The following PCNA variants were observed in gnomAD, a reference collection of about 807,000 sequenced individuals.
PCNA encodes the protein proliferating cell nuclear antigen, also known as DNA sliding clamp PCNA.
In PCNA, 4 loss-of-function variants were observed where a neutral mutation model predicts 27.8. The ratio of observed to expected loss-of-function variants is 0.14; its 90% CI spans 0.07 to 0.33. The LOEUF is 0.33. Ranked by LOEUF, PCNA falls within the 10% of genes least tolerant of loss-of-function variation. The pLI is 1.00. For missense variants in PCNA, 165 were observed against 327.4 expected, an observed-to-expected ratio of 0.50 and a Z score of 3.83; for synonymous variants, 121 against 119.4, an observed-to-expected ratio of 1.01 and a Z score of -0.09.
Position 5,119,558 on chromosome 20 carries a change from C to G in PCNA, c.221+20G>C. On this transcript the variant is annotated intron_variant, in intron 1 of 5. Transcript: ENST00000379143. ...GGTGCAGGCGGGCCGGGGCCGGCTT[C>G]CCGGGGCCGCGAGGCTCACCTGGTG... The G allele has an allele frequency of 6.3e-7, 1 of 1,599,144 alleles. No homozygotes were observed. Among genetic ancestry groups the G allele is most frequent in the African/African-American group, 1.3e-5 (1 of 74,774 alleles).
At chr20:5,123,617 C>T (rs769922556), upstream of PCNA, among the ~76,000 whole-genome samples, 1 of 151,752 alleles carries the variant, frequency 6.6e-6, no homozygotes, top group Admixed American at 6.6e-5. Flanking sequence ...ATTGCTTGAA[C>T]CCGGGAGGCA....
chr20:5,122,682 T>C (rs192223895), upstream of PCNA, among the ~76,000 whole-genome samples: 276 of 152,354 alleles, frequency 1.8e-3, 3 homozygotes, highest in African/African-American at 6.4e-3. Context: ...CTTTGCAAAA[T>C]GTGGAATGTG....
At chr20:5,122,964 A>G (rs1338198951), upstream of PCNA, among the ~76,000 whole-genome samples, 3 of 152,238 alleles carry the variant, frequency 2.0e-5, no homozygotes, top group Non-Finnish European at 2.9e-5. Flanking sequence ...TTTATGTTAA[A>G]CTGAAATGAG....
chr20:5,120,601 T>A (rs2090512760), upstream of PCNA, among the ~76,000 whole-genome samples: 1 of 152,142 alleles, frequency 6.6e-6, no homozygotes, highest in Non-Finnish European at 1.5e-5. Context: ...AAGTACTTAA[T>A]AAAGTACATT....
At chr20:5,123,566 A>G (rs921803213), upstream of PCNA, among the ~76,000 whole-genome samples, 1 of 151,966 alleles carries the variant, frequency 6.6e-6, no homozygotes, top group Non-Finnish European at 1.5e-5. Context: ...GTGGTGGTGC[A>G]CACCTGTAAT....
chr20:5,117,410 C>T (rs2090482665), intron 4 of PCNA, 60 bp downstream of exon 4: 1 of 1,147,676 alleles, frequency 8.7e-7, no homozygotes, highest in Admixed American at 2.3e-5. Context: ...AGCAATTAAC[C>T]TAATAAGCAG....
intron 1 of PCNA, among the ~76,000 whole-genome samples, chr20:5,125,928 G>A (rs1409878701): frequency 6.6e-6 from 1 of 152,080 alleles, no homozygotes; most frequent in Non-Finnish European, 1.5e-5. Flanking sequence ...TAGTCCAGAA[G>A]ACAAATTTGA....
chr20:5,118,875 CAGG>C lies in PCNA; in HGVS notation c.222-12_222-10del. On this transcript the variant is annotated splice_polypyrimidine_tract_variant and intron_variant, in intron 1 of 5. Coordinates refer to ENST00000379143, the MANE Select transcript of PCNA (RefSeq NM_182649.2). ...TTAGTATTTTGGACATACTAGAAGA[CAGG>C]AGACACATGCTTTAAAATCAACGCC... 1 of 1,574,774 alleles carries C rather than the reference CAGG, an allele frequency of 6.4e-7. No individual in the cohort carries two copies. Among genetic ancestry groups the C allele is most frequent in the Non-Finnish European group, 8.7e-7 (1 of 1,145,588 alleles).
At chr20:5,120,505 A>G (rs3730416), upstream of PCNA, among the ~76,000 whole-genome samples, 2,139 of 152,096 alleles carry the variant, frequency 0.014, 26 homozygotes, top group Non-Finnish European at 0.022. Flanking sequence ...TCAATCGTTC[A>G]TTGTATAAAG....
Position 5,119,944 on chromosome 20 carries a change from C to T in PCNA, c.-146G>A, listed in dbSNP as rs574671553. ...AAAGACAACGACCACTCTGCTACGC[C>T]TGCAACCGTTTAATGCCGCCGCGTC... On this transcript the variant is annotated 5_prime_UTR_variant, in exon 1 of 6. Transcript: ENST00000379143. 233 of 653,856 alleles carry T rather than the reference C, an allele frequency of 3.6e-4. 1 individual carries two copies. The highest frequency in any genetic ancestry group is 8.3e-4 in the Middle Eastern group (2 of 2,412). 40.5% of individuals were successfully genotyped at this position (653,856 alleles called of 1,614,324 possible).
chr20:5,122,546 T>A (rs1486413759), upstream of PCNA, among the ~76,000 whole-genome samples: 1 of 152,264 alleles, frequency 6.6e-6, no homozygotes, highest in Admixed American at 6.5e-5. Flanking sequence ...TAAGTTTTGA[T>A]GTTGGCACTT....
Position 5,119,934 on chromosome 20 carries a change from T to TCTG in PCNA, c.-139_-137dup. 1 of 683,446 alleles carries TCTG rather than the reference T, an allele frequency of 1.5e-6. No individual in the cohort carries two copies. The highest frequency in any genetic ancestry group is 1.8e-5 in the South Asian group (1 of 56,498). 42.3% of individuals were successfully genotyped at this position (683,446 alleles called of 1,614,324 possible). A position where few individuals can be genotyped will look rare whatever the true frequency, so the allele number is the denominator to read the frequency against. On this transcript the variant is annotated 5_prime_UTR_variant, in exon 1 of 6. Coordinates refer to ENST00000379143, the MANE Select transcript of PCNA (RefSeq NM_182649.2). ...TGAGACCTAGAAAGACAACGACCAC[T>TCTG]CTGCTACGCCTGCAACCGTTTAATG...
chr20:5,123,612 T>C (rs1218369140), upstream of PCNA, among the ~76,000 whole-genome samples: 1 of 151,900 alleles, frequency 6.6e-6, no homozygotes, highest in Non-Finnish European at 1.5e-5. Flanking sequence ...GGAGAATTGC[T>C]TGAACCCGGG....
upstream of PCNA, among the ~76,000 whole-genome samples, chr20:5,121,968 T>G (rs1248385841): frequency 6.7e-6 from 1 of 149,210 alleles, no homozygotes; most frequent in African/African-American, 2.5e-5. Context: ...TTTCTTTTTT[T>G]TTTTCTTTTT....
upstream of PCNA, among the ~76,000 whole-genome samples, chr20:5,122,761 G>A (rs1465107140): frequency 1.3e-5 from 2 of 152,152 alleles, no homozygotes; most frequent in Admixed American, 6.5e-5. Context: ...CTCTGTTTCA[G>A]TTCTGTCTGC....
At position 5,119,872 on chromosome 20, in the gene PCNA, G is replaced by T; in HGVS notation, c.-74C>A. 8.2e-7 allele frequency: 1 copy of T among 1,218,580 alleles called. No homozygotes were observed. Among genetic ancestry groups the T allele is most frequent in the Non-Finnish European group, 1.2e-6 (1 of 854,330 alleles). The allele number at this position is 1,218,580 out of a possible 1,614,324, so 75.5% of individuals were successfully genotyped here. ...AGTCTAGCTGGTTTCGGCTTCAGGA[G>T]CCTCAGAGCGAGCGGGCGAACGTCG... On this transcript the variant is annotated 5_prime_UTR_variant, in exon 1 of 6. Coordinates refer to ENST00000379143, the MANE Select transcript of PCNA (RefSeq NM_182649.2).
upstream of PCNA, among the ~76,000 whole-genome samples, chr20:5,123,566 A>T (rs921803213): frequency 6.6e-6 from 1 of 151,966 alleles, no homozygotes; most frequent in Non-Finnish European, 1.5e-5. Flanking sequence ...GTGGTGGTGC[A>T]CACCTGTAAT....
At chr20:5,116,213 C>T (rs966683162) in intron 4 of PCNA, among the ~76,000 whole-genome samples, 4 of 152,050 alleles carry the variant, frequency 2.6e-5, no homozygotes, top group Non-Finnish European at 4.4e-5. Flanking sequence ...ACCTGTAGTC[C>T]CGGCTACTTG....
chr20:5,125,813 G>T (rs2090543981), intron 1 of PCNA, among the ~76,000 whole-genome samples: 1 of 152,202 alleles, frequency 6.6e-6, no homozygotes, highest in Admixed American at 6.5e-5. Context: ...CCTTTTAAAA[G>T]TTTTAAATCC....
Sources: gnomAD v4.1 joint callset for allele counts (sites outside exome capture counted in the v4.1 genomes callset) on GRCh38, gnomAD v4.1.1 for gene constraint, MANE v1.5 for transcripts, NCBI Gene and HGNC (gene_info 2026-07-23, HGNC 2026-07-21) for gene names.